Variants in BTBD3 observed in about 807,000 individuals in gnomAD.
The protein encoded by BTBD3 is BTB domain containing 3.
In BTBD3, 14 loss-of-function variants were observed where a neutral mutation model predicts 41.6. The ratio of observed to expected loss-of-function variants is 0.34; its 90% CI spans 0.22 to 0.53. The LOEUF is 0.53. BTBD3 is among the 20% of genes least tolerant of loss of function. The pLI, the probability that BTBD3 is intolerant of heterozygous loss-of-function variation, is 0.95. For synonymous variants in BTBD3, 249 were observed against 233.7 expected (o/e 1.07, Z -0.60); for missense variants, 426 against 654.7 (o/e 0.65, Z 3.81).
chr20:11,905,685 C>CT (rs1218972054), intron 1 of BTBD3, among the ~76,000 whole-genome samples: 1 of 152,188 alleles, frequency 6.6e-6, no homozygotes, highest in Non-Finnish European at 1.5e-5. Context: ...CTGGAGTGAC[C>CT]TTCAGATGGC....
upstream of BTBD3, among the ~76,000 whole-genome samples, chr20:11,914,969 G>A (rs1362660450): frequency 6.6e-6 from 1 of 152,110 alleles, no homozygotes; most frequent in Non-Finnish European, 1.5e-5. Context: ...TCATCTTATA[G>A]CTGAGGAAAA....
intron 1 of BTBD3, among the ~76,000 whole-genome samples, chr20:11,898,285 T>C (rs1468885815): frequency 6.6e-6 from 1 of 152,184 alleles, no homozygotes; most frequent in Non-Finnish European, 1.5e-5. Flanking sequence ...TCCTTGCTAA[T>C]CCTTGAACGT....
At chr20:11,913,043 C>G (rs571157552), upstream of BTBD3, among the ~76,000 whole-genome samples, 1 of 152,320 alleles carries the variant, frequency 6.6e-6, no homozygotes, top group East Asian at 1.9e-4. Context: ...ACACTATTCC[C>G]TCATAACTTA....
Position 11,923,590 on chromosome 20 carries a change from T to C in BTBD3, c.1493T>C (p.Phe498Ser). Reference protein sequence around the residue: ...EVQCGKVTVQFQCSSDSTNGT... With the variant: ...EVQCGKVTVQSQCSSDSTNGT... ...CAGTGTGGCAAAGTGACTGTCCAGT[T>C]TCAGTGCTCCTCAGATAGCACCAAT... Residue 498 changes from phenylalanine (F) to serine (S), a missense_variant, in exon 4 of 4, where the codon TTT becomes TCT. Transcript: ENST00000378226. The surrounding 1 kb of genome is among the most constrained non-coding windows in gnomAD (Gnocchi z 5.3). 6.2e-7 allele frequency: 1 copy of C among 1,614,088 alleles called. No homozygotes were observed. The highest frequency in any genetic ancestry group is 8.5e-7 in the Non-Finnish European group (1 of 1,180,012).
At chr20:11,911,860 A>G (rs2056891415) in intron 1 of BTBD3, among the ~76,000 whole-genome samples, 2 of 152,162 alleles carry the variant, frequency 1.3e-5, no homozygotes, top group African/African-American at 4.8e-5. Flanking sequence ...TGGGATTTAG[A>G]TGAGTAGTTT....
At chr20:11,911,367 ATAT>A (rs1243972031) in intron 1 of BTBD3, among the ~76,000 whole-genome samples, 1 of 152,218 alleles carries the variant, frequency 6.6e-6, no homozygotes, top group Non-Finnish European at 1.5e-5. Context: ...TTTCTGGCAA[ATAT>A]TATACAGATT....
intron 2 of BTBD3, 83 bp downstream of exon 2, chr20:11,919,259 A>C (rs922395108): frequency 1.3e-5 from 19 of 1,420,608 alleles, no homozygotes; most frequent in African/African-American, 4.3e-5. Context: ...TGGTGTGGGC[A>C]GCTTGCCGAT....
intron 1 of BTBD3, among the ~76,000 whole-genome samples, chr20:11,904,841 A>G (rs2056844112): frequency 6.6e-6 from 1 of 152,222 alleles, no homozygotes; most frequent in East Asian, 1.9e-4. Context: ...TGCCATGTGG[A>G]ATCTAAAACC....
At chr20:11,890,861 T>TG (rs1409835312) in exon 1 of BTBD3, 1 of 984,888 alleles carries the variant, frequency 1.0e-6, no homozygotes, top group African/African-American at 1.8e-5. Flanking sequence ...CGCCGGGCGC[T>TG]GGATCTCCGA....
upstream of BTBD3, among the ~76,000 whole-genome samples, chr20:11,914,585 T>A (rs1044418337): frequency 6.6e-6 from 1 of 151,926 alleles, no homozygotes; most frequent in African/African-American, 2.4e-5. Context: ...GTAACTAACC[T>A]GCACATTGTG....
chr20:11,903,350 A>G (rs139060210), intron 1 of BTBD3, among the ~76,000 whole-genome samples: 179 of 152,284 alleles, frequency 1.2e-3, no homozygotes, highest in African/African-American at 4.0e-3. Flanking sequence ...GCTACCCCCA[A>G]TTCTCCTAAG....
At chr20:11,891,583 T>A (rs1478926838) in intron 1 of BTBD3, 1 of 152,192 alleles carries the variant, frequency 6.6e-6, no homozygotes, top group Non-Finnish European at 1.5e-5. Flanking sequence ...GCTGGACTAG[T>A]CCTCCGAGTT....
At chr20:11,894,632 T>C (rs2056775683) in intron 1 of BTBD3, among the ~76,000 whole-genome samples, 1 of 152,158 alleles carries the variant, frequency 6.6e-6, no homozygotes, top group South Asian at 2.1e-4. Context: ...TTTATCATGT[T>C]TTTAGTTTTC....
At chr20:11,902,494 G>A (rs1600230747) in intron 1 of BTBD3, among the ~76,000 whole-genome samples, 1 of 152,200 alleles carries the variant, frequency 6.6e-6, no homozygotes, top group East Asian at 1.9e-4. Context: ...TTACTGTATT[G>A]CACTAAACAT....
At chr20:11,916,409 G>T (rs945164620), upstream of BTBD3, among the ~76,000 whole-genome samples, 2 of 152,118 alleles carry the variant, frequency 1.3e-5, no homozygotes, top group East Asian at 3.9e-4. Flanking sequence ...TGATTTGGAG[G>T]TATCTGTATG....
intron 1 of BTBD3, among the ~76,000 whole-genome samples, chr20:11,904,824 G>A (rs1315777626): frequency 6.6e-6 from 1 of 152,136 alleles, no homozygotes. Context: ...GTTTCTTAAA[G>A]GTTAATTGCC....
chr20:11,914,861 G>GTGTGTT (rs2056908800), upstream of BTBD3, among the ~76,000 whole-genome samples: 1 of 152,124 alleles, frequency 6.6e-6, no homozygotes, highest in African/African-American at 2.4e-5. Flanking sequence ...ATGCCTGTAT[G>GTGTGTT]TGTGTTTATG....
chr20:11,923,064 C>G lies in BTBD3; in HGVS notation c.967C>G (p.Pro323Ala). Residue 323 changes from proline to alanine, a missense_variant, in exon 4 of 4, where the codon CCC (proline) becomes GCC (alanine). Pro to Ala is a conservative substitution (Grantham distance 27, BLOSUM62 -1). Transcript: ENST00000378226. This position sits in a 1 kb window ranked among gnomAD's most constrained non-coding sequence, Gnocchi z 5.3. ...LGKALYLIRI[P>A]TMALDDFANG... ...AAAGGCACTTTACTTGATCCGCATA[C>G]CCACAATGGCCCTCGATGATTTTGC... 6.2e-7 allele frequency: 1 copy of G among 1,614,026 alleles called. No homozygotes were observed. Among genetic ancestry groups the G allele is most frequent in the Non-Finnish European group, 8.5e-7 (1 of 1,180,046 alleles).
Position 11,922,898 on chromosome 20 carries a change from G to A in BTBD3, c.801G>A (p.Gln267=), listed in dbSNP as rs2056983291. ...KSEGFCDIDF[Q]TLESILRRET... ...AGGGATTCTGCGATATTGACTTCCAGACACTAGAAAGTATTCTCCGTAGGG... is the reference window on the plus strand; with the variant it reads ...AGGGATTCTGCGATATTGACTTCCAAACACTAGAAAGTATTCTCCGTAGGG... The change falls in exon 4 of 4, where the codon CAG becomes CAA. Residue 267 remains glutamine (Q), a synonymous_variant. Transcript: ENST00000378226. 1 of 1,614,228 alleles carries A rather than the reference G, an allele frequency of 6.2e-7. No individual in the cohort carries two copies. The highest frequency in any genetic ancestry group is 8.5e-7 in the Non-Finnish European group (1 of 1,180,056).
Sources: gnomAD v4.1 joint callset for allele counts (sites outside exome capture counted in the v4.1 genomes callset) on GRCh38, gnomAD v4.1.1 for gene constraint, Gnocchi (gnomAD v3.1) non-coding constraint, MANE v1.5 for transcripts, NCBI Gene and HGNC (gene_info 2026-07-23, HGNC 2026-07-21) for gene names.